The following GRIP1 variants were observed in gnomAD, a reference collection of about 807,000 sequenced individuals.
The protein encoded by GRIP1 is glutamate receptor interacting protein 1.
In GRIP1, 45 loss-of-function variants were observed where a neutral mutation model predicts 129.9. That is an observed-to-expected ratio of 0.35 (90% CI 0.27 to 0.44). The LOEUF (loss-of-function observed/expected upper bound fraction) is 0.44, where lower values mean the gene tolerates loss of function less well. GRIP1 is among the 20% of genes least tolerant of loss of function. The pLI, the probability that GRIP1 is intolerant of heterozygous loss-of-function variation, is 1.00. For synonymous variants in GRIP1, 530 were observed against 520.8 expected, an observed-to-expected ratio of 1.02 and a Z score of -0.24; for missense variants, 1,196 against 1,396.8, an observed-to-expected ratio of 0.86 and a Z score of 2.29.
intron 1 of GRIP1, among the ~76,000 whole-genome samples, chr12:66,982,419 A>G (rs1277702433): frequency 1.3e-5 from 2 of 152,196 alleles, no homozygotes; most frequent in Admixed American, 6.5e-5. Context: ...AGTGACACCT[A>G]TAACAAATAG....
At chr12:66,983,425 C>A (rs1488134638) in intron 1 of GRIP1, among the ~76,000 whole-genome samples, 2 of 152,034 alleles carry the variant, frequency 1.3e-5, no homozygotes, top group Non-Finnish European at 2.9e-5. Context: ...CATTTAATGA[C>A]AAGACCAGTT....
At chr12:66,555,660 A>T (rs2062303885) in intron 2 of GRIP1, among the ~76,000 whole-genome samples, 2 of 152,188 alleles carry the variant, frequency 1.3e-5, no homozygotes, top group Admixed American at 1.3e-4. Flanking sequence ...AACTTGATGA[A>T]ATTTAAGATA....
chr12:67,033,684 C>T (rs529575333), intron 1 of GRIP1, among the ~76,000 whole-genome samples: 7 of 152,132 alleles, frequency 4.6e-5, no homozygotes, highest in Non-Finnish European at 7.4e-5. Flanking sequence ...AGTCCTGGTA[C>T]CAAGTTCTCT....
chr12:66,449,171 G>A (rs1351365546), intron 11 of GRIP1, among the ~76,000 whole-genome samples: 1 of 152,130 alleles, frequency 6.6e-6, no homozygotes, highest in East Asian at 1.9e-4. Flanking sequence ...CTATATGCCT[G>A]TTTCTCTCCA....
intron 1 of GRIP1, among the ~76,000 whole-genome samples, chr12:67,049,505 G>A (rs1390948133): frequency 1.3e-5 from 2 of 152,120 alleles, no homozygotes; most frequent in African/African-American, 4.8e-5. Context: ...AGTGGGAGTT[G>A]AACAATGAGA....
At chr12:66,420,326 C>T (rs1445236486) in intron 15 of GRIP1, among the ~76,000 whole-genome samples, 1 of 151,840 alleles carries the variant, frequency 6.6e-6, no homozygotes, top group Non-Finnish European at 1.5e-5. Context: ...ATCTTGCTTG[C>T]CCAGAGGGGA....
At chr12:66,598,228 T>C (rs1338257244) in intron 1 of GRIP1, among the ~76,000 whole-genome samples, 1 of 152,168 alleles carries the variant, frequency 6.6e-6, no homozygotes, top group East Asian at 1.9e-4. Context: ...GAACTTCTGG[T>C]TTGAAATGAT....
chr12:66,971,508 G>A (rs2042075874), intron 1 of GRIP1, among the ~76,000 whole-genome samples: 1 of 152,180 alleles, frequency 6.6e-6, no homozygotes, highest in South Asian at 2.1e-4. Context: ...TATTTGTTGA[G>A]CACCTATTAT....
intron 1 of GRIP1, among the ~76,000 whole-genome samples, chr12:66,754,694 G>A (rs879319876): frequency 6.6e-6 from 1 of 152,178 alleles, no homozygotes; most frequent in Non-Finnish European, 1.5e-5. Flanking sequence ...CTAACATGGA[G>A]TTCTCTTGAT....
intron 15 of GRIP1, among the ~76,000 whole-genome samples, chr12:66,417,058 G>A (rs1480711730): frequency 6.6e-6 from 1 of 151,972 alleles, no homozygotes; most frequent in East Asian, 1.9e-4. Flanking sequence ...CTAGCAAAGT[G>A]AAGTCAAAAA....
At chr12:66,907,940 T>C (rs1022720054) in intron 1 of GRIP1, among the ~76,000 whole-genome samples, 2 of 152,120 alleles carry the variant, frequency 1.3e-5, no homozygotes, top group Non-Finnish European at 2.9e-5. Context: ...CAGTGTTGGA[T>C]TGCCCTTCAA....
upstream of GRIP1, among the ~76,000 whole-genome samples, chr12:66,806,270 A>AT (rs775132496): frequency 3.0e-4 from 45 of 152,118 alleles, no homozygotes; most frequent in Non-Finnish European, 1.0e-4. Flanking sequence ...AGTAGCAGGT[A>AT]TTTTTCATAC....
intron 1 of GRIP1, among the ~76,000 whole-genome samples, chr12:66,960,439 G>A (rs987947479): frequency 6.6e-6 from 1 of 152,164 alleles, no homozygotes; most frequent in African/African-American, 2.4e-5. Context: ...AGGAAACATC[G>A]AGAGCAGCAG....
At chr12:66,851,440 A>G (rs904874971) in intron 1 of GRIP1, among the ~76,000 whole-genome samples, 1 of 152,122 alleles carries the variant, frequency 6.6e-6, no homozygotes, top group Non-Finnish European at 1.5e-5. Context: ...GTTTTATTAC[A>G]ATTACATTTG....
intron 1 of GRIP1, among the ~76,000 whole-genome samples, chr12:67,026,700 A>T (rs2042945962): frequency 6.6e-6 from 1 of 152,148 alleles, no homozygotes; most frequent in Non-Finnish European, 1.5e-5. Context: ...AAGCAGAAAA[A>T]CATATTTCTA....
At chr12:66,695,167 G>C (rs1292858125) in intron 1 of GRIP1, among the ~76,000 whole-genome samples, 3 of 152,198 alleles carry the variant, frequency 2.0e-5, no homozygotes, top group Admixed American at 6.5e-5. Flanking sequence ...CCTCCTCTGG[G>C]TGGAGAAGTG....
chr12:66,866,101 G>T (rs2040200749), intron 1 of GRIP1, among the ~76,000 whole-genome samples: 1 of 152,078 alleles, frequency 6.6e-6, no homozygotes, highest in Non-Finnish European at 1.5e-5. Context: ...TTGAAACACA[G>T]ATTTAAAAAC....
At chr12:66,731,238 T>C (rs2036427180) in intron 1 of GRIP1, among the ~76,000 whole-genome samples, 1 of 152,204 alleles carries the variant, frequency 6.6e-6, no homozygotes. Flanking sequence ...GAAGTCTTTG[T>C]TATAAGTACC....
chr12:66,655,587 T>A (rs2033101438), intron 1 of GRIP1, among the ~76,000 whole-genome samples: 1 of 151,794 alleles, frequency 6.6e-6, no homozygotes, highest in South Asian at 2.1e-4. Context: ...CACTAATATT[T>A]TTTTGCAGTT....
Sources: allele counts gnomAD v4.1 joint callset (sites outside exome capture counted in the v4.1 genomes callset), GRCh38; gene constraint gnomAD v4.1.1; transcripts MANE v1.5; gene names NCBI Gene and HGNC (gene_info 2026-07-23, HGNC 2026-07-21).